FNTB: variants seen among roughly 807,000 people sequenced by gnomAD.
The protein encoded by FNTB is farnesyltransferase, CAAX box, subunit beta, also known as protein farnesyltransferase subunit beta.
In FNTB, 27 loss-of-function variants were observed where a neutral mutation model predicts 59.4. The observed-to-expected ratio is 0.45, with a 90% CI of 0.34 to 0.63. The LOEUF (loss-of-function observed/expected upper bound fraction) is 0.63, where lower values mean the gene tolerates loss of function less well. FNTB is among the 20% of genes least tolerant of loss of function. The probability of loss-of-function intolerance (pLI) is 0.02; values close to 1 mark genes in which losing one functional copy is unlikely to be tolerated. For synonymous variants in FNTB, 230 were observed against 220.7 expected, an observed-to-expected ratio of 1.04 and a Z score of -0.37; for missense variants, 449 against 559.6, an observed-to-expected ratio of 0.80 and a Z score of 1.99.
In FNTB at chr14:65,009,004, A is replaced by G. The variant is rs1458821203; in HGVS notation, c.210-3313A>G. 6.6e-6 allele frequency among the ~76,000 whole-genome samples: 1 copy of G among 152,166 alleles called. No individual in the cohort carries two copies. Among genetic ancestry groups the G allele is most frequent in the Non-Finnish European group, 1.5e-5 (1 of 68,018 alleles). On this transcript the variant is annotated intron_variant, in intron 2 of 11. Coordinates refer to ENST00000246166, the MANE Select transcript of FNTB (RefSeq NM_002028.4). The surrounding 1 kb of genome is among the most constrained non-coding windows in gnomAD (Gnocchi z 4.2). The stretch of plus-strand genomic sequence containing the variant: ...CTGCATCCCACCCTGCACCCCCTCA[A>G]GTCCTGCACGAAACCTGTCTTATTC...
intron 9 of FNTB, among the ~76,000 whole-genome samples, chr14:65,048,010 CAG>C (rs1375376923): frequency 5.7e-4 from 59 of 103,098 alleles, no homozygotes; most frequent in South Asian, 4.2e-3. Context: ...TTTTTTGAGA[CAG>C]AGTCTCACTC....
At chr14:65,050,694 T>C (rs557770530) in intron 9 of FNTB, among the ~76,000 whole-genome samples, 1 of 152,370 alleles carries the variant, frequency 6.6e-6, no homozygotes, top group South Asian at 2.1e-4. Flanking sequence ...AGTTTATTTA[T>C]ATATTTATTT....
chr14:65,010,336 T>C (rs2139504219), intron 2 of FNTB, among the ~76,000 whole-genome samples: 1 of 152,360 alleles, frequency 6.6e-6, no homozygotes, highest in East Asian at 1.9e-4. Flanking sequence ...CACCTGTCAC[T>C]TGTGTGCAGA....
chr14:65,012,248 G>T lies in FNTB; in HGVS notation c.210-69G>T, dbSNP rs117536414. 2.5e-6 allele frequency: 4 copies of T among 1,577,190 alleles called. No homozygotes were observed. Among genetic ancestry groups the T allele is most frequent in the Non-Finnish European group, 3.5e-6 (4 of 1,147,806 alleles). ...TGAGTGTTTACCCGTGTGTGTGTAC[G>T]TGCACATACGTGTGTATGGTGGAAG... On this transcript the variant is annotated intron_variant, in intron 2 of 11. Transcript: ENST00000246166. The surrounding 1 kb of genome is among the most constrained non-coding windows in gnomAD (Gnocchi z 5.0).
chr14:64,998,334 G>A (rs1174632840), intron 1 of FNTB, among the ~76,000 whole-genome samples: 1 of 152,204 alleles, frequency 6.6e-6, no homozygotes. Flanking sequence ...GGGAATCTTT[G>A]TGCCACAGTA....
intron 4 of FNTB, among the ~76,000 whole-genome samples, chr14:65,017,432 G>A (rs2139532531): frequency 6.6e-6 from 1 of 152,242 alleles, no homozygotes; most frequent in South Asian, 2.1e-4. Flanking sequence ...ATGAAAAACT[G>A]GAAGAGAGAA....
chr14:65,055,922 C>G (rs1316103531), intron 11 of FNTB, among the ~76,000 whole-genome samples: 1 of 152,166 alleles, frequency 6.6e-6, no homozygotes, highest in African/African-American at 2.4e-5. Flanking sequence ...AGAAAAACCA[C>G]CACCCAGCTT....
At position 65,052,602 on chromosome 14, in the gene FNTB, C is replaced by A. The variant is rs141502522; in HGVS notation, c.956-636C>A. 2.0e-4 allele frequency among the ~76,000 whole-genome samples: 30 copies of A among 152,298 alleles called. No individual in the cohort carries two copies. The East Asian group carries it at 5.4e-3, about 27-fold the overall frequency. On this transcript the variant is annotated intron_variant, in intron 9 of 11. Coordinates refer to ENST00000246166, the MANE Select transcript of FNTB (RefSeq NM_002028.4). ...TGATTGGACTTCAGAGTGAAGAAGT[C>A]CAGTTGCTTGTCAGTACCTTAGTAG... is the stretch of plus-strand genomic sequence containing the variant.
chr14:65,018,809 T>TAAAA (rs34066098), intron 4 of FNTB, among the ~76,000 whole-genome samples: 2 of 108,434 alleles, frequency 1.8e-5, no homozygotes, highest in African/African-American at 7.2e-5. Flanking sequence ...GACTCTGTCT[T>TAAAA]AAAAAAAAAA....
chr14:65,041,021 T>C, intron 8 of FNTB, 102 bp downstream of exon 8: 1 of 1,526,512 alleles, frequency 6.6e-7, no homozygotes, highest in African/African-American at 1.4e-5. Context: ...TGGGAAGGGC[T>C]AAGAGAGTTA....
intron 10 of FNTB, among the ~76,000 whole-genome samples, chr14:65,053,964 G>T (rs566268814): frequency 2.6e-4 from 39 of 152,222 alleles, no homozygotes; most frequent in African/African-American, 9.2e-4. Context: ...CATTAGTACT[G>T]CCCCTGGAGA....
intron 4 of FNTB, among the ~76,000 whole-genome samples, chr14:65,024,925 T>TTTTG (rs368764031): frequency 2.0e-5 from 3 of 152,184 alleles, no homozygotes; most frequent in African/African-American, 7.2e-5. Flanking sequence ...GGCTCCTTTT[T>TTTTG]TTTGTTTGTT....
At position 65,048,678 on chromosome 14, in the gene FNTB, G is replaced by A. The variant is rs536880568; in HGVS notation, c.955+4235G>A. Among the ~76,000 whole-genome samples, 143 of 151,904 alleles carry A rather than the reference G, an allele frequency of 9.4e-4. 7 individuals carry two copies. The South Asian group carries it at 0.024, about 26-fold the overall frequency. On this transcript the variant is annotated intron_variant, in intron 9 of 11. Transcript: ENST00000246166. ...GACCAGCCTGGGCAATATAGTGAGA[G>A]CTTGTCTCTACAAAAAATTAAAAAC...
At chr14:65,055,352 C>T (rs2062709548) in intron 11 of FNTB, among the ~76,000 whole-genome samples, 1 of 152,052 alleles carries the variant, frequency 6.6e-6, no homozygotes. Flanking sequence ...AATCACAGGG[C>T]CCATGCAGAC....
At chr14:65,015,530 G>A in intron 3 of FNTB, 95 bp from the exon 4 acceptor site, 1 of 1,309,322 alleles carries the variant, frequency 7.6e-7, no homozygotes, top group Non-Finnish European at 1.1e-6. Context: ...CCTCCCCCTT[G>A]CCAGGCTGCT....
chr14:65,021,921 T>C (rs140793432), intron 4 of FNTB: 113 of 455,910 alleles, frequency 2.5e-4, no homozygotes, highest in African/African-American at 1.9e-3. Flanking sequence ...GCTAGGATTA[T>C]AGGCGTGAGC....
rs185957243 is a variant in FNTB at position 64,991,833 on chromosome 14, G to A, written c.144+4736G>A. Among the ~76,000 whole-genome samples the A allele has an allele frequency of 1.2e-3, 189 of 152,206 alleles. No homozygotes were observed. The highest frequency in any genetic ancestry group is 4.3e-3 in the African/African-American group (180 of 41,518). ...GGAAGACTCAGGCTTGACTGGGGGC[G>A]TTAAGATGGCTTACCAGGAACGGAG... On this transcript the variant is annotated intron_variant, in intron 1 of 11. Coordinates refer to ENST00000246166, the MANE Select transcript of FNTB (RefSeq NM_002028.4). The surrounding 1 kb of genome is among the most constrained non-coding windows in gnomAD (Gnocchi z 4.4).
chr14:65,027,821 C>A lies in FNTB; in HGVS notation c.605+40C>A. The A allele has an allele frequency of 6.2e-7, 1 of 1,612,630 alleles. No homozygotes were observed. The highest frequency in any genetic ancestry group is 2.2e-5 in the East Asian group (1 of 44,852). On this transcript the variant is annotated intron_variant, in intron 6 of 11. Transcript: ENST00000246166. The surrounding 1 kb of genome is among the most constrained non-coding windows in gnomAD (Gnocchi z 5.7). ...GCACAGGCTGCCACATCAGTTGACTCTAGAGCTCATCTGCCATTAGAGATG... is the reference window on the plus strand; with the variant it reads ...GCACAGGCTGCCACATCAGTTGACTATAGAGCTCATCTGCCATTAGAGATG...
chr14:64,992,776 G>A (rs182834979), intron 1 of FNTB, among the ~76,000 whole-genome samples: 260 of 151,952 alleles, frequency 1.7e-3, no homozygotes, highest in Middle Eastern at 0.014. Flanking sequence ...TTTTTTTGCA[G>A]TGTTTCCAGT....
Sources: gnomAD v4.1 joint callset for allele counts (sites outside exome capture counted in the v4.1 genomes callset) on GRCh38, gnomAD v4.1.1 for gene constraint, Gnocchi (gnomAD v3.1) non-coding constraint, MANE v1.5 for transcripts, NCBI Gene and HGNC (gene_info 2026-07-23, HGNC 2026-07-21) for gene names.